The following CAMK1D variants were observed in gnomAD, a reference collection of about 807,000 sequenced individuals.
CAMK1D encodes calcium/calmodulin dependent protein kinase ID.
Under a neutral mutation model 47.7 loss-of-function variants are expected in CAMK1D, and 9 were observed. That is an observed-to-expected ratio of 0.19 (90% confidence interval 0.11 to 0.33). CAMK1D has a LOEUF of 0.33. Ranked by LOEUF, CAMK1D falls within the 10% of genes least tolerant of loss-of-function variation. The pLI, the probability that CAMK1D is intolerant of heterozygous loss-of-function variation, is 1.00. For synonymous variants in CAMK1D, 184 were observed against 184.9 expected (o/e 0.99, Z 0.04); for missense variants, 291 against 488.7 (o/e 0.60, Z 3.81).
At chr10:12,598,250 C>T (rs1838201034) in intron 2 of CAMK1D, among the ~76,000 whole-genome samples, 1 of 152,184 alleles carries the variant, frequency 6.6e-6, no homozygotes, top group Non-Finnish European at 1.5e-5. Context: ...TATTCATGTG[C>T]ATCCGTGGTA....
At chr10:12,548,920 A>G (rs1472558009) in intron 1 of CAMK1D, among the ~76,000 whole-genome samples, 1 of 150,664 alleles carries the variant, frequency 6.6e-6, no homozygotes, top group Non-Finnish European at 1.5e-5. Flanking sequence ...CATAGGCGCG[A>G]TCTCAGCTCA....
chr10:12,446,909 A>T (rs1023956470), intron 1 of CAMK1D, among the ~76,000 whole-genome samples: 6 of 152,164 alleles, frequency 3.9e-5, no homozygotes, highest in Non-Finnish European at 4.4e-5. Context: ...ATTACATGAG[A>T]TACCTTAAAT....
intron 1 of CAMK1D, among the ~76,000 whole-genome samples, chr10:12,381,642 AAAG>A (rs1472665726): frequency 6.6e-6 from 1 of 152,144 alleles, no homozygotes; most frequent in African/African-American, 2.4e-5. Flanking sequence ...CAAGTTTTTT[AAAG>A]AAGACAGTGC....
intron 8 of CAMK1D, among the ~76,000 whole-genome samples, chr10:12,820,300 G>A (rs1380959487): frequency 6.6e-6 from 1 of 152,220 alleles, no homozygotes; most frequent in African/African-American, 2.4e-5. Flanking sequence ...GGGATTACAG[G>A]CGTGAGCCAC....
At chr10:12,725,620 TTC>T (rs1237739020) in intron 3 of CAMK1D, among the ~76,000 whole-genome samples, 2 of 152,218 alleles carry the variant, frequency 1.3e-5, no homozygotes, top group Non-Finnish European at 2.9e-5. Context: ...CTCAACAGTC[TTC>T]TCTCATTTCG....
At chr10:12,706,251 G>A (rs962840632) in intron 3 of CAMK1D, among the ~76,000 whole-genome samples, 3 of 152,142 alleles carry the variant, frequency 2.0e-5, no homozygotes, top group South Asian at 2.1e-4. Flanking sequence ...GGAATGGCTC[G>A]CAATTTAAAA....
intron 1 of CAMK1D, among the ~76,000 whole-genome samples, chr10:12,406,722 C>CAAAAAAA (rs3061400): frequency 3.8e-4 from 26 of 69,238 alleles, no homozygotes; most frequent in Non-Finnish European, 4.4e-4. Context: ...GACCCTGTCT[C>CAAAAAAA]AAAAAAAAAA....
chr10:12,709,896 A>G (rs1380385797), intron 3 of CAMK1D, among the ~76,000 whole-genome samples: 1 of 152,210 alleles, frequency 6.6e-6, no homozygotes, highest in South Asian at 2.1e-4. Context: ...ATAAAAAGCC[A>G]GTAGGAAGGG....
chr10:12,659,255 G>C (rs1199322458), intron 2 of CAMK1D, among the ~76,000 whole-genome samples: 1 of 152,312 alleles, frequency 6.6e-6, no homozygotes, highest in Admixed American at 6.5e-5. Flanking sequence ...CTGTACTACA[G>C]GGAGCCAGTG....
At chr10:12,584,227 A>G (rs1837748415) in intron 2 of CAMK1D, among the ~76,000 whole-genome samples, 1 of 152,216 alleles carries the variant, frequency 6.6e-6, no homozygotes, top group Non-Finnish European at 1.5e-5. Context: ...GAAAAGTAGC[A>G]ATACATTTTA....
At chr10:12,415,968 A>G (rs1017541655) in intron 1 of CAMK1D, 5 of 151,990 alleles carry the variant, frequency 3.3e-5, no homozygotes, top group African/African-American at 1.2e-4. Context: ...GTTGATTATT[A>G]TTCCTTTAGC....
chr10:12,410,758 A>G, intron 1 of CAMK1D, among the ~76,000 whole-genome samples: 1 of 152,230 alleles, frequency 6.6e-6, no homozygotes, highest in South Asian at 2.1e-4. Context: ...TGTTGTGACC[A>G]GAGGCAGAGT....
intron 2 of CAMK1D, among the ~76,000 whole-genome samples, chr10:12,559,835 T>C (rs561144484): frequency 1.3e-5 from 2 of 152,052 alleles, no homozygotes; most frequent in South Asian, 4.2e-4. Flanking sequence ...CAGTGCCAAG[T>C]ACTTCACAAG....
chr10:12,746,251 C>G (rs191145818), intron 3 of CAMK1D, among the ~76,000 whole-genome samples: 1 of 150,998 alleles, frequency 6.6e-6, no homozygotes, highest in Non-Finnish European at 1.5e-5. Flanking sequence ...GTAGTCCCAG[C>G]TACTCGGGAG....
intron 2 of CAMK1D, among the ~76,000 whole-genome samples, chr10:12,572,509 G>T (rs1837359086): frequency 6.6e-6 from 1 of 152,216 alleles, no homozygotes. Flanking sequence ...TCCTGTGGTG[G>T]TGTGTGGGAT....
intron 2 of CAMK1D, among the ~76,000 whole-genome samples, chr10:12,661,731 T>C (rs1048851589): frequency 1.3e-5 from 2 of 152,198 alleles, no homozygotes; most frequent in East Asian, 3.8e-4. Flanking sequence ...AGAGAGGTTG[T>C]CAAAATTCCC....
At chr10:12,764,039 C>A (rs918765649) in intron 4 of CAMK1D, among the ~76,000 whole-genome samples, 1 of 152,272 alleles carries the variant, frequency 6.6e-6, no homozygotes, top group Non-Finnish European at 1.5e-5. Context: ...CGTCTTCCCT[C>A]CTCCCCCAGG....
At chr10:12,400,144 A>G in intron 1 of CAMK1D, among the ~76,000 whole-genome samples, 1 of 152,198 alleles carries the variant, frequency 6.6e-6, no homozygotes, top group East Asian at 1.9e-4. Context: ...TTTAAGAAAT[A>G]ATTTCAGGAT....
intron 5 of CAMK1D, among the ~76,000 whole-genome samples, chr10:12,784,031 C>T (rs930757615): frequency 6.6e-6 from 1 of 152,038 alleles, no homozygotes; most frequent in African/African-American, 2.4e-5. Flanking sequence ...CTGGTGTAAA[C>T]TTGATAAGCC....
Sources: allele counts gnomAD v4.1 joint callset (sites outside exome capture counted in the v4.1 genomes callset), GRCh38; gene constraint gnomAD v4.1.1; transcripts MANE v1.5; gene names NCBI Gene and HGNC (gene_info 2026-07-23, HGNC 2026-07-21).